DPP6: variants seen among roughly 807,000 people sequenced by gnomAD.
DPP6 encodes the protein dipeptidyl peptidase like 6.
In DPP6, 69 loss-of-function variants were observed where a neutral mutation model predicts 122.6. The ratio of observed to expected loss-of-function variants is 0.56; its 90% CI spans 0.46 to 0.69. DPP6 has a LOEUF of 0.69. Among genes scored for constraint, DPP6 ranks in the 30% least tolerant of loss-of-function variants. DPP6 has a pLI of 0.00. For missense variants in DPP6, 928 were observed against 1,116.9 expected (o/e 0.83, Z 2.41); for synonymous variants, 418 against 433.1 (o/e 0.97, Z 0.43).
Position 154,345,909 on chromosome 7 carries a change from A to G in DPP6, c.244-100305A>G, listed in dbSNP as rs114354351. ...TCCATCCATCATTTCTTCGCATGCA[A>G]AGTACCTTCTAAATGCCACCAGAAA... On this transcript the variant is annotated intron_variant, in intron 1 of 25. Transcript: ENST00000377770. Among the ~76,000 whole-genome samples, 365 of 152,280 alleles carry G rather than the reference A, an allele frequency of 2.4e-3. 1 individual carries two copies. The highest frequency in any genetic ancestry group is 8.3e-3 in the African/African-American group (345 of 41,558).
intron 1 of DPP6, among the ~76,000 whole-genome samples, chr7:154,020,066 A>G (rs1798622282): frequency 6.6e-6 from 1 of 152,166 alleles, no homozygotes; most frequent in African/African-American, 2.4e-5. Flanking sequence ...CAGAGCTGAC[A>G]GCCCAGGTTT....
chr7:154,168,667 A>G (rs7790046), intron 1 of DPP6, among the ~76,000 whole-genome samples: 36,511 of 152,124 alleles, frequency 0.24, 8,602 homozygotes, highest in African/African-American at 0.62. Context: ...TCTCTTCATC[A>G]TGGAATTCAA....
chr7:154,777,165 G>A lies in DPP6; in HGVS notation c.1136+4223G>A, dbSNP rs537390998. Among the ~76,000 whole-genome samples the A allele has an allele frequency of 7.9e-5, 12 of 152,316 alleles. No homozygotes were observed. In the South Asian group the frequency reaches 8.3e-4, roughly 11 times the overall value. On this transcript the variant is annotated intron_variant, in intron 10 of 25. Transcript: ENST00000377770. ...TGTGAGGCCCTTGGGTGATTAAGAC[G>A]TGTGGCCTCTCCTAATGAGAGCTCA...
chr7:154,676,640 C>G (rs1838930403), intron 7 of DPP6, among the ~76,000 whole-genome samples: 1 of 152,258 alleles, frequency 6.6e-6, no homozygotes, highest in Non-Finnish European at 1.5e-5. Flanking sequence ...TTGTGGCTCT[C>G]TAAGCCACAC....
At chr7:154,188,439 G>A (rs1434523943) in intron 1 of DPP6, among the ~76,000 whole-genome samples, 2 of 152,136 alleles carry the variant, frequency 1.3e-5, no homozygotes, top group African/African-American at 4.8e-5. Context: ...TTACAATCTA[G>A]TAGGGGTGAG....
intron 8 of DPP6, among the ~76,000 whole-genome samples, chr7:154,762,830 G>A (rs532757602): frequency 3.3e-5 from 5 of 152,344 alleles, no homozygotes; most frequent in Admixed American, 1.3e-4. Context: ...TGAATTCTGG[G>A]ATACCGAGTT....
At chr7:154,869,401 A>C (rs1804185159) in intron 18 of DPP6, among the ~76,000 whole-genome samples, 1 of 152,268 alleles carries the variant, frequency 6.6e-6, no homozygotes, top group Non-Finnish European at 1.5e-5. Context: ...GCAGAAAGTA[A>C]ATAGCACGAG....
intron 5 of DPP6, among the ~76,000 whole-genome samples, chr7:154,575,675 GGTGTGTGTGGTGT>G (rs1831615173): frequency 7.5e-6 from 1 of 132,568 alleles, no homozygotes; most frequent in African/African-American, 2.8e-5. Context: ...GTATGTGTGT[GGTGTGTGTGGTGT>G]GTGTATGTGG....
chr7:154,665,853 G>A (rs367744119), intron 6 of DPP6, among the ~76,000 whole-genome samples: 6 of 150,744 alleles, frequency 4.0e-5, no homozygotes, highest in African/African-American at 9.8e-5. Flanking sequence ...TCCTTATAAC[G>A]TTTTTTTTCA....
At chr7:154,262,210 C>G (rs1351303854) in intron 1 of DPP6, among the ~76,000 whole-genome samples, 7 of 152,128 alleles carry the variant, frequency 4.6e-5, no homozygotes, top group Non-Finnish European at 7.3e-5. Context: ...ATGTGGATGA[C>G]TGGGAGGGCG....
intron 1 of DPP6, among the ~76,000 whole-genome samples, chr7:154,189,226 A>G (rs1413103733): frequency 6.6e-6 from 1 of 152,234 alleles, no homozygotes; most frequent in Admixed American, 6.5e-5. Flanking sequence ...CAACCAGGAT[A>G]GTTTAGTAGA....
intron 1 of DPP6, among the ~76,000 whole-genome samples, chr7:154,077,588 C>G (rs886500962): frequency 1.3e-5 from 2 of 152,110 alleles, no homozygotes; most frequent in South Asian, 4.1e-4. Context: ...CTGAAAAACT[C>G]TCCTCATTTC....
chr7:154,334,916 A>C (rs1259239976), intron 1 of DPP6, among the ~76,000 whole-genome samples: 1 of 152,162 alleles, frequency 6.6e-6, no homozygotes. Context: ...GAACAGAAAA[A>C]AAAAATACAA....
intron 1 of DPP6, among the ~76,000 whole-genome samples, chr7:154,070,823 C>T (rs567481077): frequency 1.3e-5 from 2 of 152,086 alleles, no homozygotes; most frequent in Non-Finnish European, 2.9e-5. Flanking sequence ...TACCCATGGG[C>T]CAAACTCTGG....
In DPP6 at chr7:154,333,838, A is replaced by C. The variant is rs564734950; in HGVS notation, c.244-112376A>C. ...GGTCAGCCATTGGTATTGCATTATAATTTGTAATGATTTATATCAGCCTTT... is the reference window on the plus strand; with the variant it reads ...GGTCAGCCATTGGTATTGCATTATACTTTGTAATGATTTATATCAGCCTTT... On this transcript the variant is annotated intron_variant, in intron 1 of 25. Coordinates refer to ENST00000377770, the MANE Select transcript of DPP6 (RefSeq NM_130797.4). Among the ~76,000 whole-genome samples the C allele has an allele frequency of 1.2e-3, 183 of 152,328 alleles. 1 individual carries two copies. Among genetic ancestry groups the C allele is most frequent in the African/African-American group, 4.2e-3 (176 of 41,576 alleles).
In DPP6 at chr7:154,222,961, C is replaced by T. The variant is rs555525563; in HGVS notation, c.243+169898C>T. Among the ~76,000 whole-genome samples, 144 of 149,000 alleles carry T rather than the reference C, an allele frequency of 9.7e-4. 6 individuals carry two copies. In the Middle Eastern group the frequency reaches 0.01, roughly 11 times the overall value. On this transcript the variant is annotated intron_variant, in intron 1 of 25. Transcript: ENST00000377770. ...TCATGTAGGACCCTGACACCCCTTC[C>T]GTAAATGTAATTATTGTTAAAATGA...
rs1160095500 is a variant in DPP6 at position 154,062,294 on chromosome 7, C to A, written c.243+9231C>A. ...GATTACTGAGAGCCAGTCCCTCTTC[C>A]CCCCCGGCTCTGAGGACCCCCATCG... On this transcript the variant is annotated intron_variant, in intron 1 of 25. Transcript: ENST00000377770. Among the ~76,000 whole-genome samples the A allele has an allele frequency of 2.5e-5, 2 of 79,936 alleles. 1 individual carries two copies. Among genetic ancestry groups the A allele is most frequent in the Admixed American group, 2.7e-4 (2 of 7,398 alleles). 52.4% of individuals were successfully genotyped at this position (79,936 alleles called of 152,430 possible). A position where few individuals can be genotyped will look rare whatever the true frequency, so the allele number is the denominator to read the frequency against.
the DPP6 span, among the ~76,000 whole-genome samples, chr7:153,804,053 C>CTTTT: frequency 6.9e-6 from 1 of 145,456 alleles, no homozygotes. Flanking sequence ...ATCCCTAGTA[C>CTTTT]TTTTTTTTTT....
At chr7:154,549,576 G>T (rs1829476374) in intron 4 of DPP6, among the ~76,000 whole-genome samples, 1 of 152,104 alleles carries the variant, frequency 6.6e-6, no homozygotes, top group Non-Finnish European at 1.5e-5. Flanking sequence ...GACCTGTAGG[G>T]TATTATTTCC....
Sources: gnomAD v4.1 joint callset for allele counts (sites outside exome capture counted in the v4.1 genomes callset) on GRCh38, gnomAD v4.1.1 for gene constraint, MANE v1.5 for transcripts, NCBI Gene and HGNC (gene_info 2026-07-23, HGNC 2026-07-21) for gene names.